The following LTA4H variants were observed in gnomAD, a reference collection of about 807,000 sequenced individuals.
The protein encoded by LTA4H is leukotriene A-4 hydrolase.
LTA4H carries 59 observed loss-of-function variants against 89.8 expected under a neutral mutation model. The observed-to-expected ratio is 0.66, with a 90% CI of 0.53 to 0.82. LTA4H has a LOEUF of 0.82. LTA4H is among the 40% of genes least tolerant of loss of function. LTA4H has a pLI of 0.00. For synonymous variants in LTA4H, 227 were observed against 253.1 expected (o/e 0.90, Z 0.98); for missense variants, 617 against 727.0 (o/e 0.85, Z 1.74).
chr12:96,002,973 G>A lies in LTA4H; in HGVS notation c.1705C>T (p.Arg569Trp), dbSNP rs376007921. 163 of 1,597,896 alleles carry A rather than the reference G, an allele frequency of 1.0e-4. 1 individual carries two copies. Among genetic ancestry groups the A allele is most frequent in the Non-Finnish European group, 1.3e-4 (151 of 1,171,170 alleles). ...ATEQGRMKFT[R>W]PLFKDLAAFD... The stretch of plus-strand genomic sequence containing the variant: ...GTGGGTTCTTACTTGAATAAGGGCC[G>A]GGTAAACTTCATTCTTCCTTGTTCA... Residue 569 changes from arginine to tryptophan, a missense_variant, in exon 18 of 19, where the codon CGG (arginine) becomes TGG (tryptophan). Physicochemically the swap from Arg to Trp is moderately radical, Grantham distance 101. This residue lies in a region of LTA4H where 290 missense variants were observed against 339.1 expected (regional missense o/e 0.86). Transcript: ENST00000228740.
At chr12:96,010,609 C>T (rs567402458) in intron 14 of LTA4H, 1 of 152,328 alleles carries the variant, frequency 6.6e-6, no homozygotes, top group East Asian at 1.9e-4. Flanking sequence ...GTGACTGAAG[C>T]AAAGGGAGCT....
chr12:96,018,541 G>C (rs1486087210), intron 8 of LTA4H, among the ~76,000 whole-genome samples: 3 of 151,788 alleles, frequency 2.0e-5, no homozygotes, highest in Non-Finnish European at 4.4e-5. Flanking sequence ...GAGCAAGCCT[G>C]TGTCTCAAAA....
chr12:96,005,999 C>T (rs1316737380), intron 16 of LTA4H, among the ~76,000 whole-genome samples: 8 of 152,068 alleles, frequency 5.3e-5, no homozygotes, highest in Non-Finnish European at 8.8e-5. Context: ...CTGCTTGCCT[C>T]GGCCTCCCAA....
Position 96,018,930 on chromosome 12 carries a change from T to C in LTA4H, c.712-27A>G, listed in dbSNP as rs374046788. On this transcript the variant is annotated intron_variant, in intron 7 of 18. Coordinates refer to ENST00000228740, the MANE Select transcript of LTA4H (RefSeq NM_000895.3). ...TGAAAAATCAACATATATATGTCTGTATGCCTTAATTATCACCATTGTACA... is the reference window on the plus strand; with the variant it reads ...TGAAAAATCAACATATATATGTCTGCATGCCTTAATTATCACCATTGTACA... The C allele has an allele frequency of 6.5e-6, 10 of 1,538,618 alleles. No homozygotes were observed. The African/African-American group carries it at 1.4e-4, about 21-fold the overall frequency.
In LTA4H at chr12:96,043,480, G is replaced by A. The variant is rs978757748; in HGVS notation, c.-105C>T. 48 of 712,204 alleles carry A rather than the reference G, an allele frequency of 6.7e-5. No individual in the cohort carries two copies. The African/African-American group carries it at 7.8e-4, about 12-fold the overall frequency. 44.1% of individuals were successfully genotyped at this position (712,204 alleles called of 1,614,324 possible). On this transcript the variant is annotated 5_prime_UTR_variant, in exon 1 of 18. Coordinates refer to the LTA4H transcript ENST00000413268. ...TTGTTGCTTTAAAAGACAAACATGCGCCTGTAGTCCCAGCTACTCGGGAGG... is the reference window on the plus strand; with the variant it reads ...TTGTTGCTTTAAAAGACAAACATGCACCTGTAGTCCCAGCTACTCGGGAGG...
chr12:96,015,357 C>G (rs528878948), intron 11 of LTA4H, among the ~76,000 whole-genome samples: 29 of 152,250 alleles, frequency 1.9e-4, no homozygotes, highest in Non-Finnish European at 3.5e-4. Flanking sequence ...AGCAAAGACC[C>G]AGTGAGGTCC....
At position 96,017,106 on chromosome 12, in the gene LTA4H, T is replaced by C; in HGVS notation, c.885A>G (p.Ala295=). 1 of 1,607,368 alleles carries C rather than the reference T, an allele frequency of 6.2e-7. No individual in the cohort carries two copies. The highest frequency in any genetic ancestry group is 8.5e-7 in the Non-Finnish European group (1 of 1,173,992). ...CTGTCCAGCTATGAGATATTTCATG[T>C]GCAATGACCTAAAGAAAACAGTGTG... ...AGDKSLSNVI[A]HEISHSWTGN... is the part of the protein sequence containing the mutation. The change falls in exon 10 of 19, where the codon GCA becomes GCG. Residue 295 remains alanine (A), a synonymous_variant. Transcript: ENST00000228740.
intron 14 of LTA4H, 94 bp from the exon 15 acceptor site, chr12:96,009,242 C>A: frequency 1.2e-6 from 1 of 806,998 alleles, no homozygotes; most frequent in Non-Finnish European, 2.0e-6. Flanking sequence ...TTCAAAGTCC[C>A]TTTTAAATAA....
rs1223941403 is a variant in LTA4H at position 96,004,115 on chromosome 12, C to T, written c.1531-195G>A. The stretch of plus-strand genomic sequence containing the variant: ...ACTTATTCCAGATGAGGATATTCTA[C>T]TGGGAGCACAGGGATAATTTACTTT... On this transcript the variant is annotated intron_variant, in intron 16 of 18. Transcript: ENST00000228740. The T allele has an allele frequency of 1.4e-5, 5 of 369,296 alleles. No individual in the cohort carries two copies. The East Asian group carries it at 2.1e-4, about 16-fold the overall frequency. The allele number at this position is 369,296 out of a possible 1,614,324, so 22.9% of individuals were successfully genotyped here.
At chr12:96,015,771 T>C in intron 10 of LTA4H, 77 bp from the exon 11 acceptor site, 3 of 1,039,686 alleles carry the variant, frequency 2.9e-6, no homozygotes, top group Non-Finnish European at 4.4e-6. Flanking sequence ...ATTTTCTTTT[T>C]GGCTTTTCTA....
intron 18 of LTA4H, among the ~76,000 whole-genome samples, chr12:96,002,335 G>C (rs1451775848): frequency 2.6e-5 from 4 of 152,134 alleles, no homozygotes; most frequent in Non-Finnish European, 4.4e-5. Flanking sequence ...CATCACTTTT[G>C]ATGGCCAAAA....
intron 8 of LTA4H, 132 bp from the exon 9 acceptor site, chr12:96,017,712 G>T: frequency 1.9e-6 from 1 of 531,142 alleles, no homozygotes; most frequent in Non-Finnish European, 3.4e-6. Flanking sequence ...TTCAAAGAAG[G>T]TAAAAGAGAC....
chr12:96,041,858 G>A (rs1366616095), intron 1 of LTA4H, among the ~76,000 whole-genome samples: 3 of 151,972 alleles, frequency 2.0e-5, no homozygotes, highest in Non-Finnish European at 4.4e-5. Context: ...AGCCAGGATG[G>A]TCTCAATCTC....
At chr12:96,007,983 G>A (rs1228722694) in intron 15 of LTA4H, among the ~76,000 whole-genome samples, 3 of 151,020 alleles carry the variant, frequency 2.0e-5, no homozygotes, top group Non-Finnish European at 4.4e-5. Flanking sequence ...AATACAGCAT[G>A]TTCTCACAAG....
chr12:96,027,712 G>C, intron 2 of LTA4H, 148 bp from the exon 3 acceptor site: 2 of 439,212 alleles, frequency 4.6e-6, no homozygotes, highest in South Asian at 3.3e-5. Flanking sequence ...CACATCCTCA[G>C]TGGGTAAGTC....
chr12:96,014,555 C>G (rs147765856), intron 12 of LTA4H, among the ~76,000 whole-genome samples: 3 of 152,284 alleles, frequency 2.0e-5, no homozygotes, highest in East Asian at 1.9e-4. Flanking sequence ...GATGGACTCT[C>G]ACTTGTTACT....
At chr12:96,019,357 G>T in intron 6 of LTA4H, 117 bp from the exon 7 acceptor site, 1 of 811,826 alleles carries the variant, frequency 1.2e-6, no homozygotes, top group Non-Finnish European at 2.0e-6. Flanking sequence ...TTTACCATGT[G>T]CCTATGGGAA....
In LTA4H at chr12:96,005,407, C is replaced by G. The variant is rs151035815; in HGVS notation, c.1530+907G>C. On this transcript the variant is annotated intron_variant, in intron 16 of 18. Transcript: ENST00000228740. ...TACAACCCAGCATTTCATCCCGACT[C>G]TTCTGCTGGATTTTTAAAATCTTTT... is the stretch of plus-strand genomic sequence containing the variant. 8.0e-3 allele frequency among the ~76,000 whole-genome samples: 1,222 copies of G among 152,298 alleles called. 15 individuals are homozygous for G. The highest frequency in any genetic ancestry group is 0.028 in the African/African-American group (1,168 of 41,556).
At chr12:96,001,174 A>C in intron 18 of LTA4H, 68 bp from the exon 19 acceptor site, 1 of 957,122 alleles carries the variant, frequency 1.0e-6, no homozygotes. Context: ...AAAGGGAGGG[A>C]GAGAAGAAAG....
Sources: gnomAD v4.1 joint callset for allele counts (sites outside exome capture counted in the v4.1 genomes callset) on GRCh38, gnomAD v4.1.1 for gene constraint, gnomAD v4.1.1 regional missense constraint, MANE v1.5 for transcripts, NCBI Gene and HGNC (gene_info 2026-07-23, HGNC 2026-07-21) for gene names.